PDZRN4: variants seen among roughly 807,000 people sequenced by gnomAD.
PDZRN4 encodes the protein PDZ domain-containing RING finger protein 4.
Under a neutral mutation model 99.0 loss-of-function variants are expected in PDZRN4, and 70 were observed. The ratio of observed to expected loss-of-function variants is 0.71; its 90% CI spans 0.58 to 0.86. The LOEUF is 0.86. Among genes scored for constraint, PDZRN4 ranks in the 40% least tolerant of loss-of-function variants. The probability of loss-of-function intolerance (pLI) is 0.00; values close to 1 mark genes in which losing one functional copy is unlikely to be tolerated. For missense variants in PDZRN4, 1,474 were observed against 1,331.2 expected, an observed-to-expected ratio of 1.11 and a Z score of -1.67; for synonymous variants, 551 against 501.6, an observed-to-expected ratio of 1.10 and a Z score of -1.32.
At chr12:41,234,110 G>A (rs1951049626) in intron 3 of PDZRN4, among the ~76,000 whole-genome samples, 1 of 151,882 alleles carries the variant, frequency 6.6e-6, no homozygotes, top group Non-Finnish European at 1.5e-5. Context: ...CCTTTGGAAA[G>A]CATCTGCTTG....
At chr12:41,269,880 A>T (rs1039226795) in intron 3 of PDZRN4, among the ~76,000 whole-genome samples, 4 of 152,168 alleles carry the variant, frequency 2.6e-5, no homozygotes, top group Non-Finnish European at 4.4e-5. Context: ...CAGGTTTTAA[A>T]CCATAATAAG....
intron 3 of PDZRN4, among the ~76,000 whole-genome samples, chr12:41,476,280 A>C (rs534514181): frequency 6.6e-6 from 1 of 152,346 alleles, no homozygotes; most frequent in East Asian, 1.9e-4. Context: ...ATTGACTGAC[A>C]CTACTCATTT....
intron 5 of PDZRN4, among the ~76,000 whole-genome samples, chr12:41,531,772 C>T (rs544012852): frequency 6.6e-6 from 1 of 152,226 alleles, no homozygotes; most frequent in Admixed American, 6.5e-5. Context: ...TCTTATAATG[C>T]TAATTTCTAT....
intron 3 of PDZRN4, among the ~76,000 whole-genome samples, chr12:41,449,197 G>GC (rs1565585566): frequency 6.6e-6 from 1 of 152,066 alleles, no homozygotes; most frequent in Non-Finnish European, 1.5e-5. Context: ...TTCAGACATT[G>GC]TTTTTTTCCA....
chr12:41,279,789 T>C (rs1452677187), intron 3 of PDZRN4, among the ~76,000 whole-genome samples: 5 of 152,174 alleles, frequency 3.3e-5, no homozygotes, highest in Non-Finnish European at 5.9e-5. Context: ...GGATAGCCTA[T>C]AAAGAGACAA....
intron 9 of PDZRN4, among the ~76,000 whole-genome samples, chr12:41,568,233 C>T (rs1054355080): frequency 6.6e-6 from 1 of 152,090 alleles, no homozygotes; most frequent in Admixed American, 6.6e-5. Context: ...TGAAAACAAA[C>T]TGAGGTAGCT....
chr12:41,433,967 T>C (rs1381546612), intron 3 of PDZRN4, among the ~76,000 whole-genome samples: 5 of 152,182 alleles, frequency 3.3e-5, no homozygotes, highest in Admixed American at 3.3e-4. Context: ...TATCAGGAGT[T>C]AGAACTTTGC....
chr12:41,379,764 T>C (rs928944614), intron 3 of PDZRN4, among the ~76,000 whole-genome samples: 3 of 152,030 alleles, frequency 2.0e-5, no homozygotes, highest in Admixed American at 1.3e-4. Flanking sequence ...TTTTGGGATC[T>C]AACATATGAT....
intron 3 of PDZRN4, among the ~76,000 whole-genome samples, chr12:41,241,783 C>T (rs534925366): frequency 1.3e-5 from 2 of 152,114 alleles, no homozygotes; most frequent in Admixed American, 6.5e-5. Context: ...GATCACTGAA[C>T]GCTTTCCTGG....
intron 3 of PDZRN4, among the ~76,000 whole-genome samples, chr12:41,367,505 T>C (rs1952009981): frequency 1.3e-5 from 2 of 152,030 alleles, no homozygotes; most frequent in Non-Finnish European, 1.5e-5. Flanking sequence ...CAAGACTCTG[T>C]CTCAAAATAA....
At chr12:41,525,471 C>T (rs1034856311) in intron 5 of PDZRN4, among the ~76,000 whole-genome samples, 24 of 152,082 alleles carry the variant, frequency 1.6e-4, no homozygotes, top group Middle Eastern at 3.4e-3. Context: ...AATATCATGG[C>T]TGACACATAT....
chr12:41,524,317 C>G (rs976078828), intron 5 of PDZRN4, among the ~76,000 whole-genome samples: 2 of 152,152 alleles, frequency 1.3e-5, no homozygotes, highest in African/African-American at 4.8e-5. Flanking sequence ...CAATTCCTAT[C>G]AAAATCCCAA....
intron 3 of PDZRN4, among the ~76,000 whole-genome samples, chr12:41,379,092 G>A (rs1326818281): frequency 2.6e-5 from 4 of 151,838 alleles, no homozygotes; most frequent in Non-Finnish European, 4.4e-5. Context: ...GTTTTCATAG[G>A]TTATATGTTT....
chr12:41,423,010 T>C (rs2120413526), intron 3 of PDZRN4, among the ~76,000 whole-genome samples: 1 of 152,184 alleles, frequency 6.6e-6, no homozygotes, highest in East Asian at 1.9e-4. Context: ...CCTTCTGATA[T>C]GCTCTGTTCA....
Position 41,359,717 on chromosome 12 carries a change from T to A in PDZRN4, c.844-146739T>A, listed in dbSNP as rs570980396. On this transcript the variant is annotated intron_variant, in intron 3 of 9. Transcript: ENST00000402685. ...TACCTTCCACCATGATTGTGAGGCC[T>A]CCCCAGCACTGTGGACCTGTGAATC... 6.2e-4 allele frequency among the ~76,000 whole-genome samples: 95 copies of A among 152,096 alleles called. 2 individuals carry two copies. Among genetic ancestry groups the A allele is most frequent in the Admixed American group, 6.0e-3 (91 of 15,244 alleles).
chr12:41,360,935 G>C (rs1480968502), intron 3 of PDZRN4, among the ~76,000 whole-genome samples: 4 of 120,172 alleles, frequency 3.3e-5, no homozygotes, highest in African/African-American at 6.0e-5. Flanking sequence ...CAAAGAATAA[G>C]TAAAGTGTGT....
At chr12:41,414,181 G>T (rs1425164929) in intron 3 of PDZRN4, among the ~76,000 whole-genome samples, 1 of 152,170 alleles carries the variant, frequency 6.6e-6, no homozygotes. Flanking sequence ...GAAGTCTGTT[G>T]TTAGCCTGAC....
At chr12:41,476,831 C>G (rs934271620) in intron 3 of PDZRN4, among the ~76,000 whole-genome samples, 1 of 152,160 alleles carries the variant, frequency 6.6e-6, no homozygotes, top group African/African-American at 2.4e-5. Flanking sequence ...GGAAAGCAGT[C>G]CTCTTAATTG....
intron 3 of PDZRN4, among the ~76,000 whole-genome samples, chr12:41,311,905 A>G (rs1054106684): frequency 6.6e-6 from 1 of 152,196 alleles, no homozygotes; most frequent in African/African-American, 2.4e-5. Context: ...TTTTAAACTT[A>G]GTACATATAA....
Sources: gnomAD v4.1 joint callset for allele counts (sites outside exome capture counted in the v4.1 genomes callset) on GRCh38, gnomAD v4.1.1 for gene constraint, MANE v1.5 for transcripts, NCBI Gene and HGNC (gene_info 2026-07-23, HGNC 2026-07-21) for gene names.